Variants in KCNH5 observed in about 807,000 individuals in gnomAD.
KCNH5 encodes voltage-gated delayed rectifier potassium channel KCNH5.
A neutral mutation model predicts 96.1 loss-of-function variants in KCNH5; 46 were observed. That is an observed-to-expected ratio of 0.48 (90% CI 0.38 to 0.61). The LOEUF (loss-of-function observed/expected upper bound fraction) is 0.61, where lower values mean the gene tolerates loss of function less well. Among genes scored for constraint, KCNH5 ranks in the 20% least tolerant of loss-of-function variants. The probability of loss-of-function intolerance (pLI) is 0.00; values close to 1 mark genes in which losing one functional copy is unlikely to be tolerated. For synonymous variants in KCNH5, 439 were observed against 449.8 expected, an observed-to-expected ratio of 0.98 and a Z score of 0.30; for missense variants, 907 against 1,225.8, an observed-to-expected ratio of 0.74 and a Z score of 3.88.
At chr14:62,722,893 T>G (rs1313602147) in intron 10 of KCNH5, among the ~76,000 whole-genome samples, 1 of 152,174 alleles carries the variant, frequency 6.6e-6, no homozygotes, top group African/African-American at 2.4e-5. Flanking sequence ...TGAAACCCGT[T>G]TCCTACTGCC....
At chr14:62,900,913 C>T (rs1420961257) in intron 7 of KCNH5, among the ~76,000 whole-genome samples, 1 of 151,960 alleles carries the variant, frequency 6.6e-6, no homozygotes, top group Non-Finnish European at 1.5e-5. Flanking sequence ...AAGAGACAAC[C>T]CAATAAAAAT....
At chr14:62,996,107 G>A (rs898070144) in intron 4 of KCNH5, among the ~76,000 whole-genome samples, 3 of 152,222 alleles carry the variant, frequency 2.0e-5, no homozygotes, top group South Asian at 2.1e-4. Flanking sequence ...AAGTTCCATG[G>A]TTCCTTTACT....
At chr14:63,012,322 G>A (rs956543725) in intron 2 of KCNH5, among the ~76,000 whole-genome samples, 15 of 152,106 alleles carry the variant, frequency 9.9e-5, no homozygotes, top group African/African-American at 3.1e-4. Context: ...CTAGGGATCC[G>A]AAAGTGTCAT....
intron 4 of KCNH5, among the ~76,000 whole-genome samples, chr14:62,997,010 T>C (rs777212758): frequency 6.6e-6 from 1 of 152,230 alleles, no homozygotes; most frequent in Non-Finnish European, 1.5e-5. Context: ...CTTTAAGATA[T>C]AGACCATTGT....
intron 7 of KCNH5, among the ~76,000 whole-genome samples, chr14:62,853,481 C>CAT (rs1306077655): frequency 4.8e-5 from 2 of 41,316 alleles, no homozygotes; most frequent in African/African-American, 8.6e-5. Flanking sequence ...ATATATATAT[C>CAT]ATATATATAT....
At chr14:63,024,565 T>TC (rs1891491608) in intron 1 of KCNH5, among the ~76,000 whole-genome samples, 1 of 151,318 alleles carries the variant, frequency 6.6e-6, no homozygotes. Flanking sequence ...GAGAGAAGAC[T>TC]CAAAAAAATC....
intron 6 of KCNH5, among the ~76,000 whole-genome samples, chr14:62,977,057 G>A (rs1890513210): frequency 6.6e-6 from 1 of 152,170 alleles, no homozygotes; most frequent in Admixed American, 6.5e-5. Context: ...GCTATAAAAT[G>A]CATATTTGCA....
intron 9 of KCNH5, among the ~76,000 whole-genome samples, chr14:62,801,871 T>A (rs1451035023): frequency 6.6e-6 from 1 of 152,136 alleles, no homozygotes; most frequent in African/African-American, 2.4e-5. Flanking sequence ...AATGATCTAT[T>A]TTCAAGCCTC....
chr14:62,998,287 C>T (rs941088131), intron 4 of KCNH5, among the ~76,000 whole-genome samples: 2 of 152,102 alleles, frequency 1.3e-5, no homozygotes, highest in African/African-American at 4.8e-5. Flanking sequence ...TAGCCCTTTA[C>T]TCTGCTTGAA....
At chr14:62,730,741 T>C (rs1885031172) in intron 10 of KCNH5, among the ~76,000 whole-genome samples, 2 of 152,200 alleles carry the variant, frequency 1.3e-5, no homozygotes, top group South Asian at 4.1e-4. Context: ...TGATATTATG[T>C]AGAATTAAAA....
In KCNH5 at chr14:62,805,488, C is replaced by A. The variant is rs368429725; in HGVS notation, c.1570-2907G>T. 3.9e-5 allele frequency among the ~76,000 whole-genome samples: 6 copies of A among 152,136 alleles called. No individual in the cohort carries two copies. The East Asian group carries it at 5.8e-4, about 15-fold the overall frequency. On this transcript the variant is annotated intron_variant, in intron 8 of 10. Transcript: ENST00000322893. ...CTGGCAAGCACCTTCCTTCTCCAAC[C>A]TTAGACAGAGCATGTGTGTTACATG...
intron 8 of KCNH5, among the ~76,000 whole-genome samples, chr14:62,821,099 T>C (rs542665441): frequency 6.6e-6 from 1 of 151,762 alleles, no homozygotes; most frequent in South Asian, 2.1e-4. Context: ...TGAGATGGTA[T>C]CTTGTTAAAT....
intron 8 of KCNH5, among the ~76,000 whole-genome samples, chr14:62,825,401 T>G (rs953457172): frequency 3.9e-5 from 6 of 152,116 alleles, no homozygotes; most frequent in Non-Finnish European, 5.9e-5. Context: ...GGAGTATTTT[T>G]TTCATATTTT....
intron 7 of KCNH5, among the ~76,000 whole-genome samples, chr14:62,941,015 T>A (rs1468527220): frequency 6.6e-6 from 1 of 151,848 alleles, no homozygotes; most frequent in East Asian, 1.9e-4. Context: ...ATGGAGAGAG[T>A]AAGGGAGAGA....
At chr14:62,778,343 CA>C in intron 10 of KCNH5, among the ~76,000 whole-genome samples, 1 of 151,798 alleles carries the variant, frequency 6.6e-6, no homozygotes, top group African/African-American at 2.4e-5. Context: ...TGCATTTGGG[CA>C]AAAAAAATTG....
rs529031748 is a variant in KCNH5, at chr14:62,754,313, AAAAG to A, written c.2019+25411_2019+25414del. Among the ~76,000 whole-genome samples, 496 of 152,264 alleles carry A rather than the reference AAAAG, an allele frequency of 3.3e-3. 1 individual carries two copies. The highest frequency in any genetic ancestry group is 0.012 in the African/African-American group (481 of 41,584). On this transcript the variant is annotated intron_variant, in intron 10 of 10. Transcript: ENST00000322893. ...ACATCAGAAAAAAATCACCTATACT[AAAAG>A]AAAGACAGGAAGGAAGTAAAGAAGG...
chr14:62,881,241 C>A (rs1888485598), intron 7 of KCNH5, among the ~76,000 whole-genome samples: 1 of 152,054 alleles, frequency 6.6e-6, no homozygotes, highest in Admixed American at 6.5e-5. Flanking sequence ...TATTGAAGTA[C>A]ATAAACAGAA....
At position 62,980,934 on chromosome 14, in the gene KCNH5, C is replaced by T. The variant is rs376026108; in HGVS notation, c.880G>A (p.Val294Met). 5 of 1,614,018 alleles carry T rather than the reference C, an allele frequency of 3.1e-6. No homozygotes were observed. The African/African-American group carries it at 5.3e-5, about 17-fold the overall frequency. Reference sequence around the variant, plus strand: ...GGTAAACAAGACAGCAGATCGATCACAAACCAAGTTTTCAGATAGTTCATC... The same window carrying T: ...GGTAAACAAGACAGCAGATCGATCATAAACCAAGTTTTCAGATAGTTCATC... ...IRMNYLKTWF[V>M]IDLLSCLPYD... Residue 294 changes from valine (V) to methionine (M), a missense_variant, in exon 6 of 11, where the codon GTG becomes ATG. Physicochemically the swap from Val to Met is conservative, Grantham distance 21. Around this residue, in one of 6 missense-constraint regions of KCNH5, gnomAD observed 370 missense variants for 561.3 expected, o/e 0.66. Coordinates refer to ENST00000322893, the MANE Select transcript of KCNH5 (RefSeq NM_139318.5).
chr14:62,822,861 A>C (rs1887143613), intron 8 of KCNH5, among the ~76,000 whole-genome samples: 1 of 152,142 alleles, frequency 6.6e-6, no homozygotes, highest in African/African-American at 2.4e-5. Flanking sequence ...AAAACCATAC[A>C]GTGCAAATAC....
Sources: allele counts gnomAD v4.1 joint callset (sites outside exome capture counted in the v4.1 genomes callset), GRCh38; gene constraint gnomAD v4.1.1; regional missense constraint gnomAD v4.1.1; transcripts MANE v1.5; gene names NCBI Gene and HGNC (gene_info 2026-07-23, HGNC 2026-07-21).